The following OSCP1 variants were observed in gnomAD, a reference collection of about 807,000 sequenced individuals.
OSCP1 encodes organic solute carrier partner 1, also known as protein OSCP1.
In OSCP1, 35 loss-of-function variants were observed where a neutral mutation model predicts 45.1. The observed-to-expected ratio is 0.78, with a 90% CI of 0.59 to 1.03. The LOEUF (loss-of-function observed/expected upper bound fraction) is 1.03, where lower values mean the gene tolerates loss of function less well. Among genes scored for constraint, OSCP1 ranks in the 50% least tolerant of loss-of-function variants. The pLI is 0.00. For missense variants in OSCP1, 400 were observed against 470.7 expected, an observed-to-expected ratio of 0.85 and a Z score of 1.39; for synonymous variants, 179 against 180.1, an observed-to-expected ratio of 0.99 and a Z score of 0.05.
chr1:36,435,550 A>C (rs1034512509), intron 2 of OSCP1, among the ~76,000 whole-genome samples: 1 of 152,158 alleles, frequency 6.6e-6, no homozygotes, highest in Admixed American at 6.6e-5. Context: ...TTTCTCACTT[A>C]ATTATCCTAA....
chr1:36,427,992 A>C (rs1050423273), intron 4 of OSCP1, among the ~76,000 whole-genome samples: 2 of 152,012 alleles, frequency 1.3e-5, no homozygotes, highest in African/African-American at 4.8e-5. Flanking sequence ...GTTCAAGACC[A>C]GTCTGGCCAA....
intron 4 of OSCP1, among the ~76,000 whole-genome samples, chr1:36,428,021 C>G (rs1648091235): frequency 6.6e-6 from 1 of 151,750 alleles, no homozygotes; most frequent in African/African-American, 2.4e-5. Context: ...AACCCCGTCT[C>G]TACTAAAAAT....
intron 9 of OSCP1, 65 bp downstream of exon 9, chr1:36,418,926 C>CAAAAAA: frequency 3.2e-6 from 4 of 1,266,062 alleles, no homozygotes; most frequent in Admixed American, 1.9e-5. Flanking sequence ...GACCCTGTCT[C>CAAAAAA]AAGAAAAAAA....
chr1:36,422,110 A>G (rs1182844640), intron 7 of OSCP1, 40 bp downstream of exon 7: 1 of 1,570,958 alleles, frequency 6.4e-7, no homozygotes, highest in Admixed American at 1.7e-5. Flanking sequence ...CCGTATCTAG[A>G]GAGAAGCTGT....
intron 1 of OSCP1, among the ~76,000 whole-genome samples, chr1:36,442,192 C>T (rs1248432752): frequency 6.8e-6 from 1 of 148,130 alleles, no homozygotes; most frequent in African/African-American, 2.5e-5. Context: ...CTCCATTGCA[C>T]TCCAGCCTGG....
At chr1:36,421,759 A>C (rs554457037) in intron 7 of OSCP1, among the ~76,000 whole-genome samples, 3 of 152,234 alleles carry the variant, frequency 2.0e-5, no homozygotes, top group East Asian at 1.9e-4. Context: ...AGAAACTAAA[A>C]CCCCCCACTC....
intron 5 of OSCP1, 48 bp downstream of exon 5, chr1:36,423,315 G>A: frequency 6.9e-7 from 1 of 1,449,386 alleles, no homozygotes; most frequent in Non-Finnish European, 9.7e-7. Flanking sequence ...CCCATGTGCT[G>A]ATTTCCTAGC....
chr1:36,433,901 G>A (rs1049835024), intron 2 of OSCP1, among the ~76,000 whole-genome samples: 1 of 152,316 alleles, frequency 6.6e-6, no homozygotes, highest in East Asian at 1.9e-4. Context: ...TGTTGTTGGA[G>A]CAATCCAGAC....
At chr1:36,437,709 A>G (rs765942835) in intron 2 of OSCP1, among the ~76,000 whole-genome samples, 16 of 152,138 alleles carry the variant, frequency 1.1e-4, no homozygotes, top group Middle Eastern at 3.4e-3. Flanking sequence ...AGAAGAGATG[A>G]GGTTTTACCA....
intron 2 of OSCP1, among the ~76,000 whole-genome samples, chr1:36,437,784 T>C (rs1648847608): frequency 1.3e-5 from 2 of 152,162 alleles, no homozygotes; most frequent in Admixed American, 6.5e-5. Flanking sequence ...CTCCCAGTGC[T>C]AGGATTACAG....
At chr1:36,426,642 C>T (rs913840990) in intron 4 of OSCP1, among the ~76,000 whole-genome samples, 3 of 152,218 alleles carry the variant, frequency 2.0e-5, no homozygotes, top group Admixed American at 1.3e-4. Flanking sequence ...TCACTGTTTT[C>T]TGCCTGCCCC....
At position 36,424,954 on chromosome 1, in the gene OSCP1, C is replaced by A. The variant is rs555717913; in HGVS notation, c.517-1488G>T. ...TTAGGAGGCTGAGGCGGGTGGATCACCTGAGGTCAGGAGTTCGAGACCAGC... is the reference window on the plus strand; with the variant it reads ...TTAGGAGGCTGAGGCGGGTGGATCAACTGAGGTCAGGAGTTCGAGACCAGC... On this transcript the variant is annotated intron_variant, in intron 4 of 9. Coordinates refer to ENST00000235532, the MANE Select transcript of OSCP1 (RefSeq NM_145047.5). 2.6e-5 allele frequency among the ~76,000 whole-genome samples: 4 copies of A among 151,398 alleles called. No individual in the cohort carries two copies. The East Asian group carries it at 7.8e-4, about 30-fold the overall frequency.
At chr1:36,424,436 C>T (rs1185176602) in intron 4 of OSCP1, among the ~76,000 whole-genome samples, 1 of 152,222 alleles carries the variant, frequency 6.6e-6, no homozygotes, top group Non-Finnish European at 1.5e-5. Flanking sequence ...ACTTTCCATG[C>T]AGCTGCAGGC....
rs1648424767 is a variant in OSCP1, at chr1:36,432,410, T to C, written c.435+12A>G. The C allele has an allele frequency of 2.5e-6, 4 of 1,613,306 alleles. No individual in the cohort carries two copies. Among genetic ancestry groups the C allele is most frequent in the Non-Finnish European group, 3.4e-6 (4 of 1,179,526 alleles). On this transcript the variant is annotated intron_variant, in intron 3 of 9. Transcript: ENST00000235532. ...CTGGGGCTGAGAGGCGAGACACTGA[T>C]GGCACTCTTACTTCTGTCAGCTGCC...
At chr1:36,437,465 A>C (rs1016760898) in intron 2 of OSCP1, among the ~76,000 whole-genome samples, 1 of 152,198 alleles carries the variant, frequency 6.6e-6, no homozygotes, top group African/African-American at 2.4e-5. Flanking sequence ...TTTGTGAAGA[A>C]TGAGGCAGAA....
rs778331709 is a variant in OSCP1 at position 36,420,628 on chromosome 1, T to C, written c.820-13A>G. ...GAGCAATGCTTTCCTGCAGAAACAGTTGCATGATTTTTAGCCACATGAAGG... is the reference window on the plus strand; with the variant it reads ...GAGCAATGCTTTCCTGCAGAAACAGCTGCATGATTTTTAGCCACATGAAGG... On this transcript the variant is annotated splice_polypyrimidine_tract_variant and intron_variant, in intron 7 of 9. Coordinates refer to ENST00000235532, the MANE Select transcript of OSCP1 (RefSeq NM_145047.5). 16 of 1,612,412 alleles carry C rather than the reference T, an allele frequency of 9.9e-6. No homozygotes were observed. Among genetic ancestry groups the C allele is most frequent in the Non-Finnish European group, 1.4e-5 (16 of 1,179,410 alleles).
At chr1:36,425,668 G>A (rs968225694) in intron 4 of OSCP1, among the ~76,000 whole-genome samples, 1 of 151,812 alleles carries the variant, frequency 6.6e-6, no homozygotes, top group Non-Finnish European at 1.5e-5. Flanking sequence ...AGGAGGTGGA[G>A]GTTGCATTGA....
rs1647561231 is a variant in OSCP1 at position 36,420,592 on chromosome 1, A to G, written c.843T>C (p.Leu281=). 6.2e-7 allele frequency: 1 copy of G among 1,614,040 alleles called. No individual in the cohort carries two copies. Among genetic ancestry groups the G allele is most frequent in the Admixed American group, 1.7e-5 (1 of 59,996 alleles). The stretch of plus-strand genomic sequence containing the variant: ...CCAAGAAATTCAGCTCTTCTTTAGC[A>G]AGAGGGTTTGGAGCAATGCTTTCCT... ...WTQESIAPNP[L]AKEELNFLAR... Residue 281 remains leucine, a synonymous_variant, in exon 8 of 10, where the codon CTT becomes CTC. Transcript: ENST00000235532.
chr1:36,450,403 C>T lies in OSCP1; in HGVS notation c.-34G>A. 6.3e-7 allele frequency: 1 copy of T among 1,581,686 alleles called. No homozygotes were observed. The highest frequency in any genetic ancestry group is 8.7e-7 in the Non-Finnish European group (1 of 1,152,006). On this transcript the variant is annotated 5_prime_UTR_variant, in exon 1 of 10. Transcript: ENST00000235532. ...AAACGAGCTGGACTGGTGAAGAGCC[C>T]CGGGGTTCGGTAGCCAGTGGCCTGA...
Sources: gnomAD v4.1 joint callset for allele counts (sites outside exome capture counted in the v4.1 genomes callset) on GRCh38, gnomAD v4.1.1 for gene constraint, MANE v1.5 for transcripts, NCBI Gene and HGNC (gene_info 2026-07-23, HGNC 2026-07-21) for gene names.